The following DNAH14 variants were observed in gnomAD, a reference collection of about 807,000 sequenced individuals.
DNAH14 encodes the protein dynein axonemal heavy chain 14.
Under a neutral mutation model 520.9 loss-of-function variants are expected in DNAH14, and 478 were observed. The ratio of observed to expected loss-of-function variants is 0.92; its 90% CI spans 0.85 to 0.99. The LOEUF (loss-of-function observed/expected upper bound fraction) is 0.99, where lower values mean the gene tolerates loss of function less well. Ranked by LOEUF, DNAH14 falls within the 50% of genes least tolerant of loss-of-function variation. The pLI is 0.00. For synonymous variants in DNAH14, 1,581 were observed against 1,757.2 expected, an observed-to-expected ratio of 0.90 and a Z score of 2.51; for missense variants, 4,831 against 5,234.5, an observed-to-expected ratio of 0.92 and a Z score of 2.38.
chr1:225,053,173 C>A (rs2068706824), intron 17 of DNAH14, among the ~76,000 whole-genome samples: 1 of 152,020 alleles, frequency 6.6e-6, no homozygotes, highest in South Asian at 2.1e-4. Context: ...AGCATGGTAC[C>A]CCACACAAAT....
chr1:225,093,884 T>A (rs890760869), intron 21 of DNAH14, among the ~76,000 whole-genome samples: 18 of 152,154 alleles, frequency 1.2e-4, no homozygotes, highest in African/African-American at 4.3e-4. Flanking sequence ...CCATTCACAA[T>A]AGTCACAAAA....
chr1:225,030,747 C>T (rs918009016), intron 11 of DNAH14, among the ~76,000 whole-genome samples: 1 of 151,966 alleles, frequency 6.6e-6, no homozygotes, highest in East Asian at 1.9e-4. Flanking sequence ...ATCTGTCCTT[C>T]CACCAATATC....
At chr1:225,279,007 G>GT (rs1032053781) in intron 54 of DNAH14, among the ~76,000 whole-genome samples, 2 of 151,916 alleles carry the variant, frequency 1.3e-5, no homozygotes, top group Non-Finnish European at 2.9e-5. Context: ...TGTTGTTTTT[G>GT]TTTTTTTAGA....
intron 8 of DNAH14, among the ~76,000 whole-genome samples, chr1:224,981,456 A>G (rs776718877): frequency 1.7e-4 from 26 of 152,152 alleles, no homozygotes; most frequent in Non-Finnish European, 2.6e-4. Context: ...TACCATTTCA[A>G]TCTCGCTGCT....
chr1:225,078,306 T>C (rs1402403709), intron 17 of DNAH14, among the ~76,000 whole-genome samples: 1 of 152,204 alleles, frequency 6.6e-6, no homozygotes, highest in Admixed American at 6.5e-5. Context: ...TTAGCAAATA[T>C]ACTATCTGAA....
chr1:225,019,954 A>G (rs2065530323), intron 10 of DNAH14, among the ~76,000 whole-genome samples: 1 of 152,114 alleles, frequency 6.6e-6, no homozygotes, highest in Admixed American at 6.6e-5. Flanking sequence ...AGGAACCAGA[A>G]AAACAAGAGA....
intron 23 of DNAH14, among the ~76,000 whole-genome samples, chr1:225,112,731 TTC>T (rs1289928762): frequency 1.3e-5 from 2 of 152,060 alleles, no homozygotes; most frequent in African/African-American, 4.8e-5. Context: ...AGCTCACTAA[TTC>T]TCTCTTCTGC....
At position 225,149,809 on chromosome 1, in the gene DNAH14, A is replaced by G. The variant is rs562932924; in HGVS notation, c.4941-2196A>G. On this transcript the variant is annotated intron_variant, in intron 31 of 85. Coordinates refer to ENST00000682510, the MANE Select transcript of DNAH14 (RefSeq NM_001367479.1). ...TGAAAGAAGCTTTTGGGCCATGATG[A>G]TGGGTTTTTCTAGATATAGAATCAT... Among the ~76,000 whole-genome samples, 32 of 151,402 alleles carry G rather than the reference A, an allele frequency of 2.1e-4. No individual in the cohort carries two copies. The South Asian group carries it at 6.3e-3, about 30-fold the overall frequency.
chr1:225,379,006 C>T (rs12073561), intron 79 of DNAH14, among the ~76,000 whole-genome samples: 65,010 of 151,908 alleles, frequency 0.43, 15,979 homozygotes, highest in African/African-American at 0.68. Context: ...TCCCACCTCC[C>T]GGGGCCCTGG....
chr1:224,931,824 A>G (rs1283407433), intron 1 of DNAH14, among the ~76,000 whole-genome samples: 1 of 152,120 alleles, frequency 6.6e-6, no homozygotes, highest in Non-Finnish European at 1.5e-5. Flanking sequence ...CATTTTGTAT[A>G]TATGTACCAC....
At chr1:225,089,798 C>T (rs2074212827) in intron 21 of DNAH14, among the ~76,000 whole-genome samples, 1 of 152,058 alleles carries the variant, frequency 6.6e-6, no homozygotes, top group Non-Finnish European at 1.5e-5. Flanking sequence ...AAATATGTCT[C>T]AACAAATTAA....
chr1:224,941,612 G>T (rs1462337533), intron 1 of DNAH14, among the ~76,000 whole-genome samples: 2 of 152,106 alleles, frequency 1.3e-5, no homozygotes, highest in Non-Finnish European at 2.9e-5. Context: ...GTATTGCCTA[G>T]GTTTTCTTCC....
chr1:225,099,291 A>G (rs768399974), intron 22 of DNAH14, among the ~76,000 whole-genome samples: 1 of 152,106 alleles, frequency 6.6e-6, no homozygotes, highest in African/African-American at 2.4e-5. Flanking sequence ...GACATTAGAA[A>G]CTAGCGCTTG....
Position 225,042,916 on chromosome 1 carries a change from C to T in DNAH14, c.1570C>T (p.Pro524Ser), listed in dbSNP as rs1267879888. ...TGAAGTAAATCTATGCTTGAGAATTCCTGCTGAGAGTGATTCTTCAGAAAA... is the reference window on the plus strand; with the variant it reads ...TGAAGTAAATCTATGCTTGAGAATTTCTGCTGAGAGTGATTCTTCAGAAAA... ...IFEVNLCLRIPAESDSSENSK... is the reference protein window; with the variant it reads ...IFEVNLCLRISAESDSSENSK... The change falls in exon 13 of 86, where the codon CCT becomes TCT. Residue 524 changes from proline (P) to serine (S), a missense_variant. Coordinates refer to ENST00000682510, the MANE Select transcript of DNAH14 (RefSeq NM_001367479.1). The T allele has an allele frequency of 2.6e-6, 4 of 1,551,484 alleles. No homozygotes were observed. The Admixed American group carries it at 5.9e-5, about 23-fold the overall frequency.
Position 225,100,990 on chromosome 1 carries a change from A to G in DNAH14, c.3867+106A>G, listed in dbSNP as rs947492069. On this transcript the variant is annotated intron_variant, in intron 23 of 85. Transcript: ENST00000682510. ...GCTAATTCCAGTGCAGATTTTCTTT[A>G]TTCTAGCTGCCAACAATTTTTTAAA... 7.3e-6 allele frequency: 7 copies of G among 954,700 alleles called. No individual in the cohort carries two copies. The African/African-American group carries it at 1.0e-4, about 14-fold the overall frequency. 59.1% of individuals were successfully genotyped at this position (954,700 alleles called of 1,614,324 possible).
chr1:225,270,045 C>T (rs2093265565), intron 49 of DNAH14, among the ~76,000 whole-genome samples: 1 of 152,062 alleles, frequency 6.6e-6, no homozygotes, highest in African/African-American at 2.4e-5. Flanking sequence ...CAGCACTATT[C>T]ACAATAGCAA....
At chr1:225,235,160 A>G (rs2091483719) in intron 42 of DNAH14, among the ~76,000 whole-genome samples, 1 of 152,174 alleles carries the variant, frequency 6.6e-6, no homozygotes, top group South Asian at 2.1e-4. Flanking sequence ...TTGCCCATTC[A>G]GTATGATATT....
chr1:225,338,226 A>G (rs1326264879), intron 68 of DNAH14, 44 bp downstream of exon 68: 1 of 1,548,298 alleles, frequency 6.5e-7, no homozygotes, highest in African/African-American at 1.4e-5. Context: ...TATGCTTTTT[A>G]AGATAAATAA....
intron 21 of DNAH14, among the ~76,000 whole-genome samples, chr1:225,094,387 A>G (rs776205925): frequency 5.3e-5 from 8 of 151,582 alleles, no homozygotes; most frequent in Non-Finnish European, 1.0e-4. Flanking sequence ...GAAGAATTTT[A>G]TATTCTATGG....
Sources: allele counts gnomAD v4.1 joint callset (sites outside exome capture counted in the v4.1 genomes callset), GRCh38; gene constraint gnomAD v4.1.1; transcripts MANE v1.5; gene names NCBI Gene and HGNC (gene_info 2026-07-23, HGNC 2026-07-21).